The following SYNE2 variants were observed in gnomAD, a reference collection of about 807,000 sequenced individuals.
The protein encoded by SYNE2 is spectrin repeat containing nuclear envelope protein 2.
SYNE2 carries 431 observed loss-of-function variants against 856.3 expected under a neutral mutation model. The ratio of observed to expected loss-of-function variants is 0.50; its 90% CI spans 0.47 to 0.55. The LOEUF is 0.55. SYNE2 is among the 20% of genes least tolerant of loss of function. SYNE2 has a pLI of 0.00. For synonymous variants in SYNE2, 2,923 were observed against 2,872.3 expected (o/e 1.02, Z -0.56); for missense variants, 8,129 against 8,023.2 (o/e 1.01, Z -0.50).
chr14:63,912,571 T>G (rs1406895312), intron 2 of SYNE2, among the ~76,000 whole-genome samples: 1 of 152,196 alleles, frequency 6.6e-6, no homozygotes, highest in Non-Finnish European at 1.5e-5. Flanking sequence ...TTTTCTTTGT[T>G]TCAGAACCTT....
At chr14:63,769,030 T>G (rs374478946) in intron 1 of SYNE2, among the ~76,000 whole-genome samples, 6 of 152,294 alleles carry the variant, frequency 3.9e-5, no homozygotes, top group Admixed American at 2.6e-4. Flanking sequence ...AGCCCAGCAC[T>G]TTGGAAAGCC....
In SYNE2 at chr14:64,128,301, T is replaced by A. The variant is rs1183111384; in HGVS notation, c.13918-151T>A. 3.6e-5 allele frequency: 22 copies of A among 614,176 alleles called. No homozygotes were observed. In the South Asian group the frequency reaches 4.3e-4, roughly 12 times the overall value. The allele number at this position is 614,176 out of a possible 1,614,324, so 38.0% of individuals were successfully genotyped here. A position where few individuals can be genotyped will look rare whatever the true frequency, so the allele number is the denominator to read the frequency against. The stretch of plus-strand genomic sequence containing the variant: ...AGGTCAGCCATGAATCAATAATTGT[T>A]GAAGTTTAATGATGATAAAATGGGG... On this transcript the variant is annotated intron_variant, in intron 73 of 115. Coordinates refer to ENST00000555002, the MANE Select transcript of SYNE2 (RefSeq NM_182914.3).
intron 1 of SYNE2, among the ~76,000 whole-genome samples, chr14:63,878,968 G>A (rs2094793843): frequency 6.6e-6 from 1 of 152,214 alleles, no homozygotes; most frequent in Admixed American, 6.5e-5. Context: ...CTTGATCCCA[G>A]TGCTTTGCGA....
At chr14:63,778,090 C>T (rs1887174571) in intron 1 of SYNE2, among the ~76,000 whole-genome samples, 1 of 152,124 alleles carries the variant, frequency 6.6e-6, no homozygotes, top group Non-Finnish European at 1.5e-5. Flanking sequence ...GTATTGTAAT[C>T]CCCAGGTGTT....
At position 64,208,759 on chromosome 14, in the gene SYNE2, A is replaced by T; in HGVS notation, c.18203A>T (p.Asp6068Val). The T allele has an allele frequency of 6.2e-7, 1 of 1,614,156 alleles. No homozygotes were observed. The highest frequency in any genetic ancestry group is 8.5e-7 in the Non-Finnish European group (1 of 1,180,026). Residue 6068 changes from aspartate (D) to valine (V), a missense_variant and splice_region_variant, in exon 101 of 116, where the codon GAT becomes GTT. Around this residue, in one of 3 missense-constraint regions of SYNE2, gnomAD observed 5,410 missense variants for 5,284.8 expected, o/e 1.02. Transcript: ENST00000555002. The part of the protein sequence containing the change: ...EIQKRLAEQQ[D>V]LQRDIEQHSA... ...TTTCTTACTCTGTTGTAATCACAGG[A>T]TCTACAGCGAGATATTGAACAACAC...
At chr14:63,899,248 G>C (rs1044312686) in intron 1 of SYNE2, among the ~76,000 whole-genome samples, 3 of 151,862 alleles carry the variant, frequency 2.0e-5, no homozygotes, top group African/African-American at 4.8e-5. Flanking sequence ...GTGTGTGTAA[G>C]TGGAGTGCAG....
intron 96 of SYNE2, among the ~76,000 whole-genome samples, chr14:64,179,379 G>A (rs1384783521): frequency 1.3e-5 from 2 of 152,074 alleles, no homozygotes; most frequent in East Asian, 1.9e-4. Context: ...GGCCTCAAGC[G>A]ATCCACCTGC....
At chr14:63,936,815 G>T (rs1427041021) in intron 2 of SYNE2, among the ~76,000 whole-genome samples, 1 of 152,218 alleles carries the variant, frequency 6.6e-6, no homozygotes, top group Non-Finnish European at 1.5e-5. Context: ...AGATCTGTTA[G>T]GAATCTGTCG....
rs758421873 is a variant in SYNE2 at position 64,223,374 on chromosome 14, A to G, written c.20376A>G (p.Gly6792=). ...QVSQDLMALQ[G]TQNPASPLPS... is the part of the protein sequence containing the mutation. ...CCCAAGATTTAATGGCCTTGCAGGGAACCCAGGTGAGTCTACTTGTAGCTT... is the reference window on the plus strand; with the variant it reads ...CCCAAGATTTAATGGCCTTGCAGGGGACCCAGGTGAGTCTACTTGTAGCTT... Residue 6792 remains glycine (G), a synonymous_variant, in exon 113 of 116, where the codon GGA becomes GGG. Coordinates refer to ENST00000555002, the MANE Select transcript of SYNE2 (RefSeq NM_182914.3). The G allele has an allele frequency of 6.2e-7, 1 of 1,613,860 alleles. No homozygotes were observed. Among genetic ancestry groups the G allele is most frequent in the Admixed American group, 1.7e-5 (1 of 60,010 alleles).
At chr14:63,889,246 C>T (rs535080495) in intron 1 of SYNE2, among the ~76,000 whole-genome samples, 365 of 151,448 alleles carry the variant, frequency 2.4e-3, no homozygotes, top group African/African-American at 8.5e-3. Flanking sequence ...AATGTATATT[C>T]CATTTTGTAG....
chr14:63,849,977 T>C (rs559017481), upstream of SYNE2, among the ~76,000 whole-genome samples: 2 of 152,274 alleles, frequency 1.3e-5, no homozygotes, highest in East Asian at 1.9e-4. Context: ...CTTATTGCAA[T>C]TGGAGTTAGC....
chr14:63,902,075 C>A (rs765967642), intron 1 of SYNE2, among the ~76,000 whole-genome samples: 2 of 152,104 alleles, frequency 1.3e-5, no homozygotes, highest in Non-Finnish European at 2.9e-5. Flanking sequence ...CTTCACCCAA[C>A]CTTTGGTTAT....
intron 99 of SYNE2, chr14:64,202,213 C>A: frequency 1.4e-6 from 1 of 702,354 alleles, no homozygotes; most frequent in Non-Finnish European, 2.6e-6. Flanking sequence ...CATAATCTAC[C>A]CGCATGGGCT....
intron 1 of SYNE2, among the ~76,000 whole-genome samples, chr14:63,771,337 TG>T (rs1167143386): frequency 6.6e-5 from 10 of 151,998 alleles, no homozygotes; most frequent in African/African-American, 2.4e-4. Flanking sequence ...CCCAAAGTGC[TG>T]GGATTACAAG....
At chr14:64,160,390 C>G (rs1037950112) in intron 87 of SYNE2, among the ~76,000 whole-genome samples, 2 of 152,114 alleles carry the variant, frequency 1.3e-5, no homozygotes, top group African/African-American at 4.8e-5. Context: ...CACTAAAATG[C>G]TAATAGTAGT....
chr14:63,994,091 C>A, intron 22 of SYNE2, 122 bp downstream of exon 22: 1 of 968,692 alleles, frequency 1.0e-6, no homozygotes. Context: ...CTGGTCCCTG[C>A]AGGCTGAAGT....
chr14:64,206,582 G>C (rs1355127770), intron 100 of SYNE2, among the ~76,000 whole-genome samples: 1 of 149,906 alleles, frequency 6.7e-6, no homozygotes, highest in Admixed American at 6.7e-5. Flanking sequence ...TTTTAACCAA[G>C]ATGTTGATGG....
At position 64,016,529 on chromosome 14, in the gene SYNE2, C is replaced by T; in HGVS notation, c.4785C>T (p.Asn1595=). 6.2e-7 allele frequency: 1 copy of T among 1,603,074 alleles called. No individual in the cohort carries two copies. The highest frequency in any genetic ancestry group is 8.5e-7 in the Non-Finnish European group (1 of 1,173,830). ...ATTTAGAAGTTGTAGACAAGATAAA[C>T]CAGGTCTGCAAAAATCTACAATTTT... The part of the protein sequence containing the change: ...NEHLEVVDKI[N]QVCKNLQFYL... The change falls in exon 33 of 116, where the codon AAC becomes AAT. Residue 1595 remains asparagine, a synonymous_variant. Coordinates refer to ENST00000555002, the MANE Select transcript of SYNE2 (RefSeq NM_182914.3).
chr14:63,952,231 T>C (rs2096173446), intron 7 of SYNE2, among the ~76,000 whole-genome samples: 1 of 152,124 alleles, frequency 6.6e-6, no homozygotes, highest in Admixed American at 6.5e-5. Flanking sequence ...GGCTCATCAG[T>C]GCAGAGCTGA....
Sources: allele counts gnomAD v4.1 joint callset (sites outside exome capture counted in the v4.1 genomes callset), GRCh38; gene constraint gnomAD v4.1.1; regional missense constraint gnomAD v4.1.1; transcripts MANE v1.5; gene names NCBI Gene and HGNC (gene_info 2026-07-23, HGNC 2026-07-21).